LHFPL3: variants seen among roughly 807,000 people sequenced by gnomAD.
The protein encoded by LHFPL3 is LHFPL tetraspan subfamily member 3, also known as LHFPL tetraspan subfamily member 3 protein.
In LHFPL3, 5 loss-of-function variants were observed where a neutral mutation model predicts 19.3. The ratio of observed to expected loss-of-function variants is 0.26; its 90% CI spans 0.14 to 0.54. LHFPL3 has a LOEUF of 0.54. Among genes scored for constraint, LHFPL3 ranks in the 20% least tolerant of loss-of-function variants. LHFPL3 has a pLI of 0.94. For missense variants in LHFPL3, 249 were observed against 307.4 expected (o/e 0.81, Z 1.42); for synonymous variants, 133 against 126.2 (o/e 1.05, Z -0.36).
intron 2 of LHFPL3, among the ~76,000 whole-genome samples, chr7:104,850,362 T>C (rs1166641288): frequency 1.3e-5 from 2 of 152,148 alleles, no homozygotes; most frequent in Non-Finnish European, 2.9e-5. Flanking sequence ...AAGGCTAGCC[T>C]TGGGGGAGAA....
chr7:104,898,363 A>C (rs1301684333), intron 2 of LHFPL3, among the ~76,000 whole-genome samples: 3 of 152,106 alleles, frequency 2.0e-5, no homozygotes, highest in Non-Finnish European at 4.4e-5. Context: ...TTCTCAAGAC[A>C]CACAGTAACT....
At chr7:104,538,835 C>A (rs1286857327) in intron 1 of LHFPL3, among the ~76,000 whole-genome samples, 1 of 147,164 alleles carries the variant, frequency 6.8e-6, no homozygotes, top group Non-Finnish European at 1.5e-5. Flanking sequence ...AAAGCGAGGA[C>A]CTTAAGATGA....
At chr7:104,389,217 C>T (rs1327742449) in intron 1 of LHFPL3, among the ~76,000 whole-genome samples, 1 of 152,076 alleles carries the variant, frequency 6.6e-6, no homozygotes, top group Non-Finnish European at 1.5e-5. Context: ...AATTGTATTT[C>T]TGTACACTAG....
At chr7:104,644,050 T>TA (rs1335322858) in intron 1 of LHFPL3, among the ~76,000 whole-genome samples, 9 of 152,106 alleles carry the variant, frequency 5.9e-5, no homozygotes, top group African/African-American at 9.7e-5. Context: ...TAGCCATTGA[T>TA]AAAAAAAACT....
chr7:104,748,667 G>A (rs982217197), intron 2 of LHFPL3, among the ~76,000 whole-genome samples: 5 of 151,798 alleles, frequency 3.3e-5, no homozygotes, highest in African/African-American at 9.7e-5. Flanking sequence ...CAATTGTCTT[G>A]TGACCCTGAC....
chr7:104,762,511 C>T (rs1309128954), intron 2 of LHFPL3, among the ~76,000 whole-genome samples: 1 of 152,034 alleles, frequency 6.6e-6, no homozygotes, highest in Non-Finnish European at 1.5e-5. Flanking sequence ...CAACGTGGAT[C>T]CTGGCAAGGA....
At chr7:104,457,567 G>A (rs1437390932) in intron 1 of LHFPL3, among the ~76,000 whole-genome samples, 6 of 149,950 alleles carry the variant, frequency 4.0e-5, no homozygotes, top group Non-Finnish European at 7.4e-5. Context: ...TAGTGCCGCA[G>A]TAAACATACG....
intron 1 of LHFPL3, among the ~76,000 whole-genome samples, chr7:104,608,404 C>G (rs969187598): frequency 6.7e-6 from 1 of 149,462 alleles, no homozygotes; most frequent in Non-Finnish European, 1.5e-5. Context: ...GGACAAAAAA[C>G]CAAACACCGC....
At chr7:104,451,251 G>A (rs781219670) in intron 1 of LHFPL3, among the ~76,000 whole-genome samples, 23 of 152,210 alleles carry the variant, frequency 1.5e-4, no homozygotes, top group Non-Finnish European at 2.9e-4. Flanking sequence ...CTAACACAGA[G>A]TACTGCTTTT....
At chr7:104,572,096 A>C (rs972828783) in intron 1 of LHFPL3, among the ~76,000 whole-genome samples, 1 of 152,190 alleles carries the variant, frequency 6.6e-6, no homozygotes, top group Non-Finnish European at 1.5e-5. Flanking sequence ...ATATCACCTG[A>C]CTTTGAAGAA....
intron 1 of LHFPL3, among the ~76,000 whole-genome samples, chr7:104,684,800 C>T (rs1011133690): frequency 2.0e-5 from 3 of 152,194 alleles, no homozygotes; most frequent in South Asian, 2.1e-4. Context: ...CAGAAGCATG[C>T]CCAGGTGAGA....
intron 2 of LHFPL3, among the ~76,000 whole-genome samples, chr7:104,775,529 T>A (rs1488243389): frequency 6.6e-6 from 1 of 152,218 alleles, no homozygotes; most frequent in Non-Finnish European, 1.5e-5. Context: ...ACAAATTTTT[T>A]TTTTCATTTT....
At chr7:104,420,852 G>A (rs991567841) in intron 1 of LHFPL3, among the ~76,000 whole-genome samples, 12 of 151,736 alleles carry the variant, frequency 7.9e-5, no homozygotes, top group Admixed American at 1.3e-4. Context: ...GTGAGCCACC[G>A]CGCCCGGCCC....
intron 1 of LHFPL3, among the ~76,000 whole-genome samples, chr7:104,437,107 T>C (rs1008668686): frequency 4.6e-5 from 7 of 152,196 alleles, no homozygotes; most frequent in African/African-American, 1.7e-4. Context: ...CACAGAGAAG[T>C]TAAGCTAATT....
intron 2 of LHFPL3, among the ~76,000 whole-genome samples, chr7:104,875,332 A>C (rs544473332): frequency 6.6e-6 from 1 of 151,658 alleles, no homozygotes; most frequent in Non-Finnish European, 1.5e-5. Context: ...CCCTGCACCC[A>C]CCTCCAAATC....
chr7:104,841,561 A>G (rs1483981834), intron 2 of LHFPL3, among the ~76,000 whole-genome samples: 1 of 142,226 alleles, frequency 7.0e-6, no homozygotes, highest in Non-Finnish European at 1.5e-5. Context: ...GCTGTCCCTA[A>G]GCCATTACGT....
At chr7:104,583,152 T>C (rs1195974340) in intron 1 of LHFPL3, among the ~76,000 whole-genome samples, 1 of 152,068 alleles carries the variant, frequency 6.6e-6, no homozygotes, top group Non-Finnish European at 1.5e-5. Flanking sequence ...TCAGAAATGA[T>C]GTCACATATC....
At chr7:104,779,218 A>C (rs1232993171) in intron 2 of LHFPL3, among the ~76,000 whole-genome samples, 1 of 152,164 alleles carries the variant, frequency 6.6e-6, no homozygotes, top group Non-Finnish European at 1.5e-5. Flanking sequence ...TAGGGTGGTT[A>C]TGAGGATTAG....
In LHFPL3 at chr7:104,475,469, T is replaced by C. The variant is rs150035120; in HGVS notation, c.445+146245T>C. Among the ~76,000 whole-genome samples the C allele has an allele frequency of 3.6e-3, 547 of 152,298 alleles. 6 individuals are homozygous for C. The highest frequency in any genetic ancestry group is 0.013 in the African/African-American group (533 of 41,574). Reference sequence around the variant, plus strand: ...AGCTGAGAAGGGGAAAATGGGGAGTTGTTCAATGGATATAGAGTTTCACAC... The same window carrying C: ...AGCTGAGAAGGGGAAAATGGGGAGTCGTTCAATGGATATAGAGTTTCACAC... On this transcript the variant is annotated intron_variant, in intron 1 of 2. Coordinates refer to ENST00000424859, the MANE Select transcript of LHFPL3 (RefSeq NM_199000.3).
Sources: gnomAD v4.1 joint callset for allele counts (sites outside exome capture counted in the v4.1 genomes callset) on GRCh38, gnomAD v4.1.1 for gene constraint, MANE v1.5 for transcripts, NCBI Gene and HGNC (gene_info 2026-07-23, HGNC 2026-07-21) for gene names.